Variants in MYLK2 observed in about 807,000 individuals in gnomAD.
MYLK2 encodes the protein myosin light chain kinase 2, skeletal/cardiac muscle.
A neutral mutation model predicts 58.2 loss-of-function variants in MYLK2; 27 were observed. That is an observed-to-expected ratio of 0.46 (90% CI 0.34 to 0.64). MYLK2 has a LOEUF of 0.64. Ranked by LOEUF, MYLK2 falls within the 30% of genes least tolerant of loss-of-function variation. MYLK2 has a pLI of 0.01. For missense variants in MYLK2, 676 were observed against 764.3 expected (o/e 0.88, Z 1.36); for synonymous variants, 310 against 296.7 (o/e 1.04, Z -0.46).
chr20:31,829,487 T>C (rs2123137967), intron 8 of MYLK2, among the ~76,000 whole-genome samples: 1 of 152,354 alleles, frequency 6.6e-6, no homozygotes, highest in East Asian at 1.9e-4. Context: ...ATCATTAGTA[T>C]CTGCTCTGAG....
intron 6 of MYLK2, among the ~76,000 whole-genome samples, chr20:31,826,003 G>C (rs772458912): frequency 1.3e-5 from 2 of 152,156 alleles, no homozygotes; most frequent in Non-Finnish European, 2.9e-5. Flanking sequence ...GAGTTGGGTC[G>C]GAGGTGGGGT....
At chr20:31,827,225 AGCCCC>A in intron 8 of MYLK2, 3 of 985,344 alleles carry the variant, frequency 3.0e-6, no homozygotes, top group Non-Finnish European at 3.6e-6. Context: ...CAGTCCTGTG[AGCCCC>A]AAGCTCAGTG....
rs1258253431 is a variant in MYLK2 at position 31,820,565 on chromosome 20, G to T, written c.473+19G>T. On this transcript the variant is annotated intron_variant, in intron 3 of 12. Transcript: ENST00000375985. Reference sequence around the variant, plus strand: ...TCTCCAGGTGAATATCCCCTCCTGGGAGTGGGGAGGGGTCCTGTGGTTCTG... The same window carrying T: ...TCTCCAGGTGAATATCCCCTCCTGGTAGTGGGGAGGGGTCCTGTGGTTCTG... The T allele has an allele frequency of 6.3e-7, 1 of 1,598,684 alleles. No individual in the cohort carries two copies. Among genetic ancestry groups the T allele is most frequent in the Non-Finnish European group, 8.5e-7 (1 of 1,179,722 alleles).
chr20:31,823,810 CG>C (rs1600409166), intron 5 of MYLK2: 1 of 490,666 alleles, frequency 2.0e-6, no homozygotes. Context: ...TCAGTGCTTC[CG>C]TAGGAAATAC....
intron 8 of MYLK2, chr20:31,827,207 G>A: frequency 1.0e-6 from 1 of 985,402 alleles, no homozygotes; most frequent in Non-Finnish European, 1.2e-6. Flanking sequence ...TGTTGAAAGG[G>A]CCTTTTGCAG....
rs6060972 is a variant in MYLK2, at chr20:31,823,797, C to T, written c.878+215C>T. 0.078 allele frequency: 32,453 copies of T among 415,206 alleles called. 1,447 individuals are homozygous for T. The highest frequency in any genetic ancestry group is 0.14 in the African/African-American group (6,338 of 46,296). The allele number at this position is 415,206 out of a possible 1,614,324, so 25.7% of individuals were successfully genotyped here. A position where few individuals can be genotyped will look rare whatever the true frequency, so the allele number is the denominator to read the frequency against. ...TCACTTACTCAGACGCACCGTCAGCCATTCAGTGCTTCCGTAGGAAATACA... is the reference window on the plus strand; with the variant it reads ...TCACTTACTCAGACGCACCGTCAGCTATTCAGTGCTTCCGTAGGAAATACA... On this transcript the variant is annotated intron_variant, in intron 5 of 12. Coordinates refer to ENST00000375985, the MANE Select transcript of MYLK2 (RefSeq NM_033118.4).
At chr20:31,827,394 A>ATC in intron 8 of MYLK2, 1 of 985,370 alleles carries the variant, frequency 1.0e-6, no homozygotes, top group Non-Finnish European at 1.2e-6. Context: ...GGTGGTGGAG[A>ATC]TCCTGTGGTG....
intron 12 of MYLK2, among the ~76,000 whole-genome samples, chr20:31,833,511 G>A (rs1391720556): frequency 6.6e-6 from 1 of 152,150 alleles, no homozygotes; most frequent in Non-Finnish European, 1.5e-5. Context: ...AGCGGTCCTT[G>A]GTTCAGGTCT....
intron 8 of MYLK2, among the ~76,000 whole-genome samples, chr20:31,830,301 C>G (rs547632041): frequency 3.3e-5 from 5 of 152,274 alleles, no homozygotes; most frequent in South Asian, 2.1e-4. Context: ...TGTAGCTCAT[C>G]ATCCTCACTA....
At chr20:31,820,613 C>T (rs772955634) in intron 3 of MYLK2, 67 bp downstream of exon 3, 28 of 1,565,308 alleles carry the variant, frequency 1.8e-5, no homozygotes, top group Non-Finnish European at 2.4e-5. Flanking sequence ...CTGCTTAATT[C>T]CCTTGTCTTA....
intron 8 of MYLK2, among the ~76,000 whole-genome samples, chr20:31,827,882 CTT>C (rs10646259): frequency 5.3e-5 from 5 of 94,816 alleles, no homozygotes; most frequent in Admixed American, 1.2e-4. Flanking sequence ...AGCAGATCTG[CTT>C]TTTTTTTTTT....
intron 8 of MYLK2, chr20:31,828,192 A>T (rs957457289): frequency 1.0e-6 from 1 of 985,168 alleles, no homozygotes; most frequent in Non-Finnish European, 1.2e-6. Context: ...CTGGCCACAG[A>T]TAGGTGTATA....
intron 4 of MYLK2, among the ~76,000 whole-genome samples, chr20:31,822,094 A>G (rs1470764831): frequency 6.6e-6 from 1 of 152,118 alleles, no homozygotes; most frequent in Non-Finnish European, 1.5e-5. Flanking sequence ...TTATTTTTAA[A>G]TTTAGTATTC....
chr20:31,823,959 C>T, intron 5 of MYLK2: 1 of 984,724 alleles, frequency 1.0e-6, no homozygotes, highest in Non-Finnish European at 1.2e-6. Context: ...CCCCCAGGGC[C>T]CAGGGCCTGC....
Position 31,820,281 on chromosome 20 carries a change from T to A in MYLK2, c.208T>A (p.Ser70Thr). ...EKGDGTLAQP[S>T]TSSQGPKGEG... ...AGGGGATGGTACCCTGGCCCAACCC[T>A]CAACTAGCAGCCAAGGCCCCAAAGG... Residue 70 changes from serine (S) to threonine (T), a missense_variant, in exon 3 of 13, where the codon TCA becomes ACA. Transcript: ENST00000375985. 2 of 1,613,648 alleles carry A rather than the reference T, an allele frequency of 1.2e-6. No homozygotes were observed. Among genetic ancestry groups the A allele is most frequent in the Non-Finnish European group, 1.7e-6 (2 of 1,179,954 alleles).
chr20:31,821,813 A>G, intron 4 of MYLK2, 76 bp downstream of exon 4: 2 of 1,457,068 alleles, frequency 1.4e-6, no homozygotes. Context: ...TCCCAAGTCT[A>G]CCTATTCGGA....
intron 8 of MYLK2, chr20:31,827,327 T>C (rs1196414241): frequency 2.0e-6 from 2 of 985,106 alleles, no homozygotes; most frequent in East Asian, 1.1e-4. Context: ...GTCTGATCAT[T>C]TATTCAAAAG....
Position 31,830,811 on chromosome 20 carries a change from C to T in MYLK2, c.1225-8C>T. 4 of 1,613,918 alleles carry T rather than the reference C, an allele frequency of 2.5e-6. No individual in the cohort carries two copies. The highest frequency in any genetic ancestry group is 2.2e-5 in the South Asian group (2 of 91,068). On this transcript the variant is annotated splice_polypyrimidine_tract_variant and splice_region_variant and intron_variant, in intron 8 of 12. Transcript: ENST00000375985. ...GAGGCCCACCCAGGCCACCCCCTTT[C>T]TCCTCAGCCAGAGAACATCCTGTGT...
chr20:31,832,288 C>A, intron 12 of MYLK2, 152 bp downstream of exon 12: 1 of 1,154,174 alleles, frequency 8.7e-7, no homozygotes, highest in Non-Finnish European at 1.2e-6. Flanking sequence ...TGTTTTTGCC[C>A]TGGGCTGGCT....
Sources: allele counts gnomAD v4.1 joint callset (sites outside exome capture counted in the v4.1 genomes callset), GRCh38; gene constraint gnomAD v4.1.1; transcripts MANE v1.5; gene names NCBI Gene and HGNC (gene_info 2026-07-23, HGNC 2026-07-21).